SCML4: variants seen among roughly 807,000 people sequenced by gnomAD.
The protein encoded by SCML4 is sex comb on midleg-like protein 4.
SCML4 carries 34 observed loss-of-function variants against 41.1 expected under a neutral mutation model. The observed-to-expected ratio is 0.83, with a 90% CI of 0.63 to 1.10. SCML4 has a LOEUF of 1.10. SCML4 is among the 50% of genes least tolerant of loss of function. The pLI is 0.00. For missense variants in SCML4, 522 were observed against 534.1 expected (o/e 0.98, Z 0.22); for synonymous variants, 214 against 220.9 (o/e 0.97, Z 0.28).
chr6:107,786,135 G>A (rs1781877277), intron 1 of SCML4, among the ~76,000 whole-genome samples: 1 of 152,174 alleles, frequency 6.6e-6, no homozygotes, highest in African/African-American at 2.4e-5. Flanking sequence ...TAATGAAACT[G>A]ACCTGCTTCT....
chr6:107,791,101 G>GGGTCACTA (rs1782293477), intron 1 of SCML4, among the ~76,000 whole-genome samples: 1 of 150,368 alleles, frequency 6.7e-6, no homozygotes, highest in Admixed American at 6.6e-5. Flanking sequence ...AACAAGCCCA[G>GGGTCACTA]GGTCACTAAA....
intron 4 of SCML4, 49 bp from the exon 5 acceptor site, chr6:107,745,192 C>G: frequency 7.2e-7 from 1 of 1,386,794 alleles, no homozygotes; most frequent in Non-Finnish European, 9.7e-7. Flanking sequence ...TGGAGAAAAC[C>G]GCAAGTCAAT....
At chr6:107,752,917 T>A (rs769583604) in intron 2 of SCML4, among the ~76,000 whole-genome samples, 2 of 152,134 alleles carry the variant, frequency 1.3e-5, no homozygotes, top group Non-Finnish European at 2.9e-5. Flanking sequence ...AGTTATACTT[T>A]GAGTTGAGAT....
upstream of SCML4, among the ~76,000 whole-genome samples, chr6:107,828,986 C>A (rs1399722277): frequency 6.6e-6 from 1 of 151,930 alleles, no homozygotes; most frequent in Admixed American, 6.6e-5. Context: ...TAGAAGAACA[C>A]GGAATGAAAC....
chr6:107,741,049 TG>T (rs1386347094), intron 5 of SCML4, among the ~76,000 whole-genome samples: 1 of 152,074 alleles, frequency 6.6e-6, no homozygotes, highest in Non-Finnish European at 1.5e-5. Context: ...GAGCTGGGTG[TG>T]GGGCAGTCAT....
At chr6:107,790,399 T>G (rs775739435) in intron 1 of SCML4, among the ~76,000 whole-genome samples, 2 of 152,160 alleles carry the variant, frequency 1.3e-5, no homozygotes, top group Non-Finnish European at 2.9e-5. Flanking sequence ...CACTTCTTAG[T>G]TGCAAAAAGA....
intron 5 of SCML4, among the ~76,000 whole-genome samples, chr6:107,730,329 A>G (rs1776416729): frequency 6.6e-6 from 1 of 152,128 alleles, no homozygotes; most frequent in Non-Finnish European, 1.5e-5. Flanking sequence ...AGGCGAAGGC[A>G]CTCATGGTCG....
rs1562218764 is a variant in SCML4 at position 107,751,614 on chromosome 6, CTT to C, written c.157-1803_157-1802del. 7.5e-5 allele frequency among the ~76,000 whole-genome samples: 11 copies of C among 146,372 alleles called. No individual in the cohort carries two copies. In the East Asian group the frequency reaches 8.4e-4, roughly 11 times the overall value. ...TCTTTCTTTCTTTCTTTCTTTCTTT[CTT>C]TCTTTCTTTCTTTCTTTCTTTCTTT... On this transcript the variant is annotated intron_variant, in intron 2 of 7. Transcript: ENST00000369020.
chr6:107,824,087 C>T (rs924317010), intron 1 of SCML4, 39 bp downstream of exon 1: 2 of 152,188 alleles, frequency 1.3e-5, no homozygotes, highest in Non-Finnish European at 2.9e-5. Flanking sequence ...AGAAAGATCC[C>T]GTGTCAACGG....
At chr6:107,749,074 G>A (rs1182711712) in intron 3 of SCML4, among the ~76,000 whole-genome samples, 1 of 152,116 alleles carries the variant, frequency 6.6e-6, no homozygotes. Flanking sequence ...ATTTAAATGG[G>A]ATGGGAGAGG....
chr6:107,721,059 C>T (rs1775357699), intron 5 of SCML4, 66 bp from the exon 6 acceptor site: 4 of 1,508,114 alleles, frequency 2.7e-6, no homozygotes, highest in Admixed American at 2.2e-5. Flanking sequence ...TCAGACCCTC[C>T]GTCTTGGCAA....
chr6:107,843,050 C>T, the SCML4 span, among the ~76,000 whole-genome samples: 1 of 151,824 alleles, frequency 6.6e-6, no homozygotes, highest in African/African-American at 2.4e-5. Flanking sequence ...TCATGTGAGA[C>T]AATATCAAAT....
At chr6:107,763,694 G>GCACACC in intron 2 of SCML4, among the ~76,000 whole-genome samples, 1 of 152,278 alleles carries the variant, frequency 6.6e-6, no homozygotes, top group South Asian at 2.1e-4. Flanking sequence ...GCCGGGATTA[G>GCACACC]TGTTCTTAAA....
intron 5 of SCML4, among the ~76,000 whole-genome samples, chr6:107,723,665 T>C (rs922212560): frequency 6.6e-6 from 1 of 152,292 alleles, no homozygotes; most frequent in South Asian, 2.1e-4. Flanking sequence ...ATCAGAAAAC[T>C]ACCCACAAAG....
intron 5 of SCML4, among the ~76,000 whole-genome samples, chr6:107,729,828 G>C (rs993296063): frequency 1.3e-5 from 2 of 152,218 alleles, no homozygotes; most frequent in Admixed American, 1.3e-4. Flanking sequence ...TATCTCTTCA[G>C]GCAGGGTGTT....
intron 5 of SCML4, among the ~76,000 whole-genome samples, chr6:107,741,395 T>A (rs1777585246): frequency 6.6e-6 from 1 of 152,214 alleles, no homozygotes; most frequent in Admixed American, 6.5e-5. Context: ...ACAACCAGCT[T>A]TCACACCATC....
At chr6:107,817,249 T>TG (rs1318352503) in intron 1 of SCML4, among the ~76,000 whole-genome samples, 4 of 152,208 alleles carry the variant, frequency 2.6e-5, no homozygotes, top group African/African-American at 9.7e-5. Flanking sequence ...AAGAACTCAA[T>TG]TTCTCAGCAT....
intron 1 of SCML4, among the ~76,000 whole-genome samples, chr6:107,820,660 C>T (rs1204878454): frequency 6.6e-6 from 1 of 152,096 alleles, no homozygotes; most frequent in Admixed American, 6.6e-5. Context: ...GAAACCAAGA[C>T]GAGTGCAACA....
At chr6:107,708,171 G>A (rs1470142517) in intron 6 of SCML4, among the ~76,000 whole-genome samples, 160 bp from the exon 7 acceptor site, 1 of 152,206 alleles carries the variant, frequency 6.6e-6, no homozygotes, top group Non-Finnish European at 1.5e-5. Context: ...AAGGCTGTGA[G>A]TGGCAGCTCT....
Sources: gnomAD v4.1 joint callset for allele counts (sites outside exome capture counted in the v4.1 genomes callset) on GRCh38, gnomAD v4.1.1 for gene constraint, MANE v1.5 for transcripts, NCBI Gene and HGNC (gene_info 2026-07-23, HGNC 2026-07-21) for gene names.